Variants in ANKRD44 observed in about 807,000 individuals in gnomAD.
ANKRD44 encodes serine/threonine-protein phosphatase 6 regulatory ankyrin repeat subunit B.
Under a neutral mutation model 116.0 loss-of-function variants are expected in ANKRD44, and 35 were observed. The observed-to-expected ratio is 0.30, with a 90% CI of 0.23 to 0.40. ANKRD44 has a LOEUF of 0.40. ANKRD44 is among the 10% of genes least tolerant of loss of function. The probability of loss-of-function intolerance (pLI) is 1.00; values close to 1 mark genes in which losing one functional copy is unlikely to be tolerated. For missense variants in ANKRD44, 1,014 were observed against 1,242.6 expected (o/e 0.82, Z 2.77); for synonymous variants, 435 against 461.8 (o/e 0.94, Z 0.74).
intron 3 of ANKRD44, 128 bp downstream of exon 3, chr2:197,146,899 G>A (rs543157559): frequency 3.4e-5 from 21 of 611,184 alleles, no homozygotes; most frequent in South Asian, 2.1e-4. Flanking sequence ...TGATAAAATC[G>A]CCTATCACAT....
intron 13 of ANKRD44, among the ~76,000 whole-genome samples, chr2:197,083,823 T>C (rs1426174072): frequency 6.6e-6 from 1 of 152,172 alleles, no homozygotes; most frequent in South Asian, 2.1e-4. Context: ...ATTTCAGAGT[T>C]TGGATTTTCA....
intron 1 of ANKRD44, among the ~76,000 whole-genome samples, chr2:197,240,300 A>T (rs1426304629): frequency 6.7e-6 from 1 of 149,066 alleles, no homozygotes; most frequent in Non-Finnish European, 1.5e-5. Context: ...ACTTGAGCCC[A>T]GGAGGCAGAG....
intron 2 of ANKRD44, chr2:197,147,943 A>C (rs780941394): frequency 1.1e-5 from 5 of 452,162 alleles, no homozygotes; most frequent in South Asian, 7.8e-5. Flanking sequence ...AAGATTCCAC[A>C]GGTATATAGC....
chr2:197,254,525 G>C (rs1405562017), intron 1 of ANKRD44, among the ~76,000 whole-genome samples: 1 of 151,506 alleles, frequency 6.6e-6, no homozygotes, highest in Non-Finnish European at 1.5e-5. Context: ...TCTCCCTTAT[G>C]GTTATCTTTA....
At chr2:196,976,044 T>C (rs899619990) in intron 21 of ANKRD44, among the ~76,000 whole-genome samples, 4 of 152,068 alleles carry the variant, frequency 2.6e-5, no homozygotes, top group Non-Finnish European at 4.4e-5. Context: ...GAACCCCTTT[T>C]CTTAATAAAA....
chr2:197,250,338 G>A (rs2082287442), intron 1 of ANKRD44, among the ~76,000 whole-genome samples: 2 of 152,142 alleles, frequency 1.3e-5, no homozygotes, highest in Middle Eastern at 3.2e-3. Flanking sequence ...TTCTTATAAG[G>A]GAGGAATATC....
intron 8 of ANKRD44, among the ~76,000 whole-genome samples, chr2:197,118,615 A>AAGAAAGAAAG (rs1553512529): frequency 1.3e-5 from 1 of 76,398 alleles, no homozygotes; most frequent in African/African-American, 7.2e-5. Flanking sequence ...GAGAGAAAGA[A>AAGAAAGAAAG]AGAGAGAGAG....
chr2:197,304,202 A>G (rs1019277115), intron 1 of ANKRD44, among the ~76,000 whole-genome samples: 2 of 152,002 alleles, frequency 1.3e-5, no homozygotes, highest in African/African-American at 4.8e-5. Flanking sequence ...GCTACCCGGG[A>G]GTCTGAGGCT....
intron 1 of ANKRD44, among the ~76,000 whole-genome samples, chr2:197,309,633 A>C (rs2084180581): frequency 6.6e-6 from 1 of 152,094 alleles, no homozygotes; most frequent in Non-Finnish European, 1.5e-5. Flanking sequence ...GCCTACCAGG[A>C]CCCCAAAACA....
At chr2:197,282,697 A>G (rs932815928) in intron 1 of ANKRD44, among the ~76,000 whole-genome samples, 5 of 152,166 alleles carry the variant, frequency 3.3e-5, no homozygotes, top group Non-Finnish European at 7.3e-5. Flanking sequence ...GGTGGCTCAC[A>G]CTTGTAATCC....
chr2:197,159,016 C>T (rs1574575387), intron 2 of ANKRD44, among the ~76,000 whole-genome samples: 3 of 152,138 alleles, frequency 2.0e-5, no homozygotes, highest in African/African-American at 7.2e-5. Flanking sequence ...CATACACACA[C>T]ATACACACGG....
At chr2:197,221,078 C>T (rs1021947718) in intron 1 of ANKRD44, among the ~76,000 whole-genome samples, 1 of 152,022 alleles carries the variant, frequency 6.6e-6, no homozygotes, top group East Asian at 1.9e-4. Flanking sequence ...GGTGAAACCC[C>T]GTCTCTACTA....
At chr2:197,187,455 T>C (rs2080706235) in intron 1 of ANKRD44, among the ~76,000 whole-genome samples, 1 of 152,164 alleles carries the variant, frequency 6.6e-6, no homozygotes, top group African/African-American at 2.4e-5. Context: ...ACAATCCCTG[T>C]TATGAATTGA....
intron 1 of ANKRD44, among the ~76,000 whole-genome samples, chr2:197,207,718 G>T (rs1012094072): frequency 5.9e-5 from 9 of 152,024 alleles, no homozygotes; most frequent in African/African-American, 2.2e-4. Context: ...ACCCCAGATT[G>T]GTAGCACTGA....
At position 197,162,304 on chromosome 2, in the gene ANKRD44, G is replaced by A. The variant is rs1559115422; in HGVS notation, c.112-15199C>T. 6.6e-5 allele frequency among the ~76,000 whole-genome samples: 10 copies of A among 152,302 alleles called. No individual in the cohort carries two copies. In the South Asian group the frequency reaches 2.1e-3, roughly 32 times the overall value. On this transcript the variant is annotated intron_variant, in intron 2 of 27. Transcript: ENST00000282272. ...ACAAGACATTGAGGCTTCATTCCCT[G>A]AATGCCACTGAACAAAGCCAACAGA...
rs528453447 is a variant in ANKRD44, at chr2:197,244,446, T to G, written c.28-57340A>C. On this transcript the variant is annotated intron_variant, in intron 1 of 27. Transcript: ENST00000282272. ...GCAGTATTTTTTGTTTACCTTCCTG[T>G]CTTTCTGAATGATCACCCAAACATC... Among the ~76,000 whole-genome samples the G allele has an allele frequency of 5.7e-4, 87 of 152,346 alleles. 1 individual carries two copies. The highest frequency in any genetic ancestry group is 7.4e-5 in the Non-Finnish European group (5 of 68,024).
rs748050090 is a variant in ANKRD44, at chr2:197,310,560, G to A, written c.27+18C>T. 223 of 1,164,364 alleles carry A rather than the reference G, an allele frequency of 1.9e-4. No homozygotes were observed. The highest frequency in any genetic ancestry group is 2.2e-4 in the Non-Finnish European group (209 of 929,442). The allele number at this position is 1,164,364 out of a possible 1,614,324, so 72.1% of individuals were successfully genotyped here. A position where few individuals can be genotyped will look rare whatever the true frequency, so the allele number is the denominator to read the frequency against. ...CCCGCGCCCGCGCGTCCCGCCCGCC[G>A]GCGCCGCCGCCCGCTACCTGGTCGG... On this transcript the variant is annotated intron_variant, in intron 1 of 27. Coordinates refer to ENST00000282272, the MANE Select transcript of ANKRD44 (RefSeq NM_001195144.2).
intron 1 of ANKRD44, among the ~76,000 whole-genome samples, chr2:197,265,342 G>A (rs1230946143): frequency 6.6e-6 from 1 of 151,832 alleles, no homozygotes; most frequent in East Asian, 1.9e-4. Context: ...TGCCTCCTGG[G>A]TTCAAGTGAT....
At chr2:197,128,987 T>C (rs1423266559) in intron 4 of ANKRD44, among the ~76,000 whole-genome samples, 1 of 152,128 alleles carries the variant, frequency 6.6e-6, no homozygotes, top group African/African-American at 2.4e-5. Context: ...ATTTTATTAT[T>C]AAAGTTAATG....
Sources: gnomAD v4.1 joint callset for allele counts (sites outside exome capture counted in the v4.1 genomes callset) on GRCh38, gnomAD v4.1.1 for gene constraint, MANE v1.5 for transcripts, NCBI Gene and HGNC (gene_info 2026-07-23, HGNC 2026-07-21) for gene names.